Variants in GRIK2 observed in about 807,000 individuals in gnomAD.
GRIK2 encodes glutamate ionotropic receptor kainate type subunit 2, also known as glutamate receptor ionotropic, kainate 2.
A neutral mutation model predicts 100.3 loss-of-function variants in GRIK2; 32 were observed. The observed-to-expected ratio is 0.32, with a 90% CI of 0.24 to 0.43. The LOEUF is 0.43. Among genes scored for constraint, GRIK2 ranks in the 20% least tolerant of loss-of-function variants. The pLI is 1.00. For missense variants in GRIK2, 843 were observed against 1,114.9 expected (o/e 0.76, Z 3.47); for synonymous variants, 417 against 389.4 (o/e 1.07, Z -0.83).
intron 2 of GRIK2, among the ~76,000 whole-genome samples, chr6:101,546,748 G>T (rs1459547980): frequency 6.8e-6 from 1 of 147,924 alleles, no homozygotes; most frequent in Non-Finnish European, 1.5e-5. Context: ...TAATTCCATA[G>T]TTGCAGTGCC....
intron 7 of GRIK2, among the ~76,000 whole-genome samples, chr6:101,694,080 A>T (rs1425671459): frequency 6.6e-6 from 1 of 152,154 alleles, no homozygotes; most frequent in Non-Finnish European, 1.5e-5. Flanking sequence ...AACTTTGCAG[A>T]GTCTGAGAAC....
intron 4 of GRIK2, among the ~76,000 whole-genome samples, chr6:101,671,593 C>T (rs1212419503): frequency 2.0e-5 from 3 of 152,216 alleles, no homozygotes; most frequent in South Asian, 2.1e-4. Flanking sequence ...GGGCTGGGCA[C>T]GGTGGCTCAC....
intron 7 of GRIK2, among the ~76,000 whole-genome samples, chr6:101,792,301 C>G (rs1397950556): frequency 2.6e-5 from 4 of 151,946 alleles, no homozygotes; most frequent in African/African-American, 9.7e-5. Flanking sequence ...TCTTCCTAGT[C>G]TCGATGGTCT....
intron 7 of GRIK2, among the ~76,000 whole-genome samples, chr6:101,731,771 T>C (rs573061555): frequency 1.2e-4 from 18 of 151,998 alleles, no homozygotes; most frequent in African/African-American, 3.4e-4. Flanking sequence ...AAAAAGAGTA[T>C]GAAAGTCACT....
intron 2 of GRIK2, among the ~76,000 whole-genome samples, chr6:101,438,392 A>G (rs1769855939): frequency 6.6e-6 from 1 of 152,140 alleles, no homozygotes; most frequent in South Asian, 2.1e-4. Flanking sequence ...ACTGGCCATT[A>G]ACTTAATTGC....
At chr6:102,043,170 T>TAAAC (rs1345519971) in intron 15 of GRIK2, among the ~76,000 whole-genome samples, 1 of 151,834 alleles carries the variant, frequency 6.6e-6, no homozygotes, top group African/African-American at 2.4e-5. Flanking sequence ...TTTTTTAAAC[T>TAAAC]AAACAGTTAT....
At chr6:101,849,702 T>A (rs908313087) in intron 10 of GRIK2, among the ~76,000 whole-genome samples, 2 of 151,872 alleles carry the variant, frequency 1.3e-5, no homozygotes, top group Non-Finnish European at 2.9e-5. Flanking sequence ...AAATATGAAC[T>A]GCTCAGTTTT....
At chr6:101,537,443 T>C (rs1253623654) in intron 2 of GRIK2, among the ~76,000 whole-genome samples, 9 of 133,628 alleles carry the variant, frequency 6.7e-5, no homozygotes, top group Non-Finnish European at 1.0e-4. Context: ...TGTGTGTGTT[T>C]GTGTGTGTGT....
chr6:101,968,149 T>C lies in GRIK2; in HGVS notation c.2085+39517T>C, dbSNP rs187992073. Among the ~76,000 whole-genome samples, 109 of 152,090 alleles carry C rather than the reference T, an allele frequency of 7.2e-4. 1 individual carries two copies. In the East Asian group the frequency reaches 0.021, roughly 29 times the overall value. On this transcript the variant is annotated intron_variant, in intron 14 of 16. Coordinates refer to ENST00000369134, the MANE Select transcript of GRIK2 (RefSeq NM_021956.5). ...ATTTTCAAAAGTTAAAAAAAAACCA[T>C]GCATCTTATGCAAATATAAACTGAA...
At chr6:101,945,910 G>GTTTTTTTTTTTTTTTT (rs66532199) in intron 14 of GRIK2, among the ~76,000 whole-genome samples, 2 of 131,432 alleles carry the variant, frequency 1.5e-5, no homozygotes, top group Non-Finnish European at 1.7e-5. Flanking sequence ...TCTATCTACT[G>GTTTTTTTTTTTTTTTT]TTTTTTTTTT....
intron 7 of GRIK2, among the ~76,000 whole-genome samples, chr6:101,724,295 A>G (rs189631587): frequency 1.3e-5 from 2 of 151,932 alleles, no homozygotes; most frequent in Admixed American, 1.3e-4. Context: ...CATCACCCAG[A>G]TAGTAAACAT....
chr6:101,847,626 A>C (rs1019776503), intron 10 of GRIK2, among the ~76,000 whole-genome samples: 1 of 152,104 alleles, frequency 6.6e-6, no homozygotes, highest in Non-Finnish European at 1.5e-5. Context: ...TTGGTTGTAT[A>C]TTGGGGCACT....
intron 14 of GRIK2, among the ~76,000 whole-genome samples, chr6:101,991,552 T>C (rs1794379864): frequency 6.6e-6 from 1 of 151,346 alleles, no homozygotes. Context: ...GAAAATATTT[T>C]ACACCTTTAA....
At chr6:101,466,318 A>C (rs972086037) in intron 2 of GRIK2, among the ~76,000 whole-genome samples, 1 of 150,790 alleles carries the variant, frequency 6.6e-6, no homozygotes. Flanking sequence ...TTTATTTTTT[A>C]TTATATATAA....
At chr6:101,429,421 G>A (rs1769249185) in intron 2 of GRIK2, among the ~76,000 whole-genome samples, 1 of 152,172 alleles carries the variant, frequency 6.6e-6, no homozygotes, top group African/African-American at 2.4e-5. Flanking sequence ...ATTTTCAGCA[G>A]GGTAATTCAC....
rs2128318711 is a variant in GRIK2, at chr6:101,626,676, T to G, written c.541+39T>G. 1.9e-6 allele frequency: 3 copies of G among 1,553,646 alleles called. No homozygotes were observed. In the East Asian group the frequency reaches 6.8e-5, roughly 35 times the overall value. On this transcript the variant is annotated intron_variant, in intron 4 of 16. Transcript: ENST00000369134. ...GTATCTTTTGGAGCTATGCTTTAAA[T>G]ATAGATAATTTTCTGAAGCCCATTC...
intron 4 of GRIK2, among the ~76,000 whole-genome samples, chr6:101,632,594 C>T (rs181753088): frequency 3.7e-4 from 57 of 152,016 alleles, no homozygotes; most frequent in Non-Finnish European, 6.2e-4. Context: ...TAAGAAAGCT[C>T]GAGTGAATTG....
At chr6:101,572,645 G>T (rs1777591601) in intron 2 of GRIK2, among the ~76,000 whole-genome samples, 1 of 151,404 alleles carries the variant, frequency 6.6e-6, no homozygotes, top group Non-Finnish European at 1.5e-5. Flanking sequence ...GGGAAGTAGA[G>T]ACTTTCTATG....
intron 14 of GRIK2, among the ~76,000 whole-genome samples, chr6:101,959,108 A>G (rs970339731): frequency 2.6e-5 from 4 of 152,038 alleles, no homozygotes; most frequent in Non-Finnish European, 5.9e-5. Context: ...TTGATACCAT[A>G]AAATTGATTG....
Sources: gnomAD v4.1 joint callset for allele counts (sites outside exome capture counted in the v4.1 genomes callset) on GRCh38, gnomAD v4.1.1 for gene constraint, MANE v1.5 for transcripts, NCBI Gene and HGNC (gene_info 2026-07-23, HGNC 2026-07-21) for gene names.